Variants in GALNT13 observed in about 807,000 individuals in gnomAD.
The protein encoded by GALNT13 is polypeptide N-acetylgalactosaminyltransferase 13.
A neutral mutation model predicts 64.2 loss-of-function variants in GALNT13; 28 were observed. That is an observed-to-expected ratio of 0.44 (90% CI 0.32 to 0.60). GALNT13 has a LOEUF of 0.60. Among genes scored for constraint, GALNT13 ranks in the 20% least tolerant of loss-of-function variants. The probability of loss-of-function intolerance (pLI) is 0.05; values close to 1 mark genes in which losing one functional copy is unlikely to be tolerated. For synonymous variants in GALNT13, 214 were observed against 224.6 expected, an observed-to-expected ratio of 0.95 and a Z score of 0.42; for missense variants, 577 against 669.8, an observed-to-expected ratio of 0.86 and a Z score of 1.53.
chr2:153,689,026 G>GTGTA, the GALNT13 span, among the ~76,000 whole-genome samples: 1 of 126,190 alleles, frequency 7.9e-6, no homozygotes, highest in Admixed American at 7.8e-5. Flanking sequence ...GTGTGTGTGT[G>GTGTA]TGTGTGTGTT....
the GALNT13 span, among the ~76,000 whole-genome samples, chr2:153,719,945 G>A: frequency 6.6e-6 from 1 of 152,112 alleles, no homozygotes; most frequent in Non-Finnish European, 1.5e-5. Flanking sequence ...AGCTCAAACT[G>A]GGTGGAGCCC....
the GALNT13 span, among the ~76,000 whole-genome samples, chr2:153,782,412 T>G: frequency 6.6e-6 from 1 of 152,150 alleles, no homozygotes; most frequent in African/African-American, 2.4e-5. Context: ...GTTCCTGTAA[T>G]GAATACTGTA....
At chr2:154,408,833 A>T (rs1000533918) in intron 10 of GALNT13, 151 bp from the exon 11 acceptor site, 26 of 615,096 alleles carry the variant, frequency 4.2e-5, no homozygotes, top group East Asian at 1.7e-4. Flanking sequence ...GAAAAAGACA[A>T]ATATTTAAAG....
chr2:153,863,046 C>T, the GALNT13 span, among the ~76,000 whole-genome samples: 2 of 152,036 alleles, frequency 1.3e-5, no homozygotes, highest in African/African-American at 2.4e-5. Flanking sequence ...CATATCGTAA[C>T]CAGATATTTA....
intron 3 of GALNT13, among the ~76,000 whole-genome samples, chr2:153,991,833 T>C (rs1158389135): frequency 1.3e-5 from 2 of 150,508 alleles, no homozygotes; most frequent in African/African-American, 5.0e-5. Context: ...GGAAATAATA[T>C]TATCAGTGTT....
chr2:154,371,547 G>T (rs767256767), intron 9 of GALNT13, among the ~76,000 whole-genome samples: 3 of 152,026 alleles, frequency 2.0e-5, no homozygotes, highest in Non-Finnish European at 2.9e-5. Flanking sequence ...TAAAGGGAGA[G>T]AAACTGATGA....
chr2:153,617,719 C>G, the GALNT13 span, among the ~76,000 whole-genome samples: 52 of 151,730 alleles, frequency 3.4e-4, no homozygotes, highest in African/African-American at 1.1e-3. Context: ...TTTATTAAAG[C>G]TTTGATCTTG....
At chr2:153,202,053 C>T in the GALNT13 span, among the ~76,000 whole-genome samples, 2 of 146,268 alleles carry the variant, frequency 1.4e-5, no homozygotes, top group African/African-American at 5.1e-5. Flanking sequence ...GGCGCAATCT[C>T]GGCTCACTGC....
chr2:153,597,262 A>C, the GALNT13 span, among the ~76,000 whole-genome samples: 2 of 152,106 alleles, frequency 1.3e-5, no homozygotes, highest in Non-Finnish European at 2.9e-5. Flanking sequence ...AGTACAGGGC[A>C]CTTCTAAGCG....
chr2:153,741,834 TTATC>T, the GALNT13 span, among the ~76,000 whole-genome samples: 1 of 152,114 alleles, frequency 6.6e-6, no homozygotes, highest in Admixed American at 6.6e-5. Context: ...AAAAATTAAT[TTATC>T]TATTTTATTA....
chr2:153,762,535 T>A, the GALNT13 span: 1 of 180,110 alleles, frequency 5.6e-6, no homozygotes, highest in Non-Finnish European at 1.2e-5. Flanking sequence ...CCATTTGGAT[T>A]TTTATCAGGG....
chr2:153,559,899 A>G, the GALNT13 span, among the ~76,000 whole-genome samples: 1 of 152,114 alleles, frequency 6.6e-6, no homozygotes, highest in Non-Finnish European at 1.5e-5. Flanking sequence ...TTTAAAGATA[A>G]CAAGTTATAT....
At chr2:153,233,152 G>A in the GALNT13 span, among the ~76,000 whole-genome samples, 5 of 152,228 alleles carry the variant, frequency 3.3e-5, no homozygotes, top group South Asian at 2.1e-4. Flanking sequence ...AAGCTTCCAC[G>A]TTAAAACTTT....
At chr2:154,210,009 C>T (rs1164406493) in intron 4 of GALNT13, among the ~76,000 whole-genome samples, 1 of 152,102 alleles carries the variant, frequency 6.6e-6, no homozygotes, top group East Asian at 1.9e-4. Flanking sequence ...CCTTTTCCAC[C>T]ACCTCTCAGC....
At chr2:154,259,638 T>A (rs1219566182) in intron 8 of GALNT13, among the ~76,000 whole-genome samples, 1 of 152,188 alleles carries the variant, frequency 6.6e-6, no homozygotes, top group Non-Finnish European at 1.5e-5. Flanking sequence ...GCAACTTCAT[T>A]TAATAAATGG....
intron 7 of GALNT13, among the ~76,000 whole-genome samples, chr2:154,252,775 A>ATAGC (rs1690153996): frequency 7.3e-6 from 1 of 137,422 alleles, no homozygotes; most frequent in Admixed American, 7.4e-5. Context: ...AGATAGATAG[A>ATAGC]TAGATAATAG....
the GALNT13 span, among the ~76,000 whole-genome samples, chr2:153,400,678 A>G: frequency 6.6e-6 from 1 of 152,132 alleles, no homozygotes; most frequent in Non-Finnish European, 1.5e-5. Flanking sequence ...CGAGGAATTT[A>G]TCCATTTCTT....
the GALNT13 span, among the ~76,000 whole-genome samples, chr2:153,715,101 A>C: frequency 7.2e-5 from 11 of 152,204 alleles, no homozygotes; most frequent in Non-Finnish European, 1.6e-4. Context: ...GCTTGCAAAG[A>C]ATAGGAGGCA....
At chr2:153,981,685 A>G (rs1318370268) in intron 3 of GALNT13, among the ~76,000 whole-genome samples, 2 of 152,000 alleles carry the variant, frequency 1.3e-5, no homozygotes, top group Non-Finnish European at 2.9e-5. Flanking sequence ...GTTTCTAGAA[A>G]CTATAGGCAA....
Sources: gnomAD v4.1 joint callset for allele counts (sites outside exome capture counted in the v4.1 genomes callset) on GRCh38, gnomAD v4.1.1 for gene constraint, MANE v1.5 for transcripts, NCBI Gene and HGNC (gene_info 2026-07-23, HGNC 2026-07-21) for gene names.